The following CNTROB variants were observed in gnomAD, a reference collection of about 807,000 sequenced individuals.
CNTROB encodes centrobin, centriole duplication and spindle assembly protein.
CNTROB carries 82 observed loss-of-function variants against 115.7 expected under a neutral mutation model. The ratio of observed to expected loss-of-function variants is 0.71; its 90% CI spans 0.59 to 0.85. The LOEUF is 0.85. Ranked by LOEUF, CNTROB falls within the 40% of genes least tolerant of loss-of-function variation. The pLI is 0.00. For missense variants in CNTROB, 1,014 were observed against 1,144.4 expected, an observed-to-expected ratio of 0.89 and a Z score of 1.64; for synonymous variants, 439 against 456.4, an observed-to-expected ratio of 0.96 and a Z score of 0.49.
chr17:7,947,959 AC>A lies in CNTROB; in HGVS notation c.2191del (p.Leu731CysfsTer9). The A allele has an allele frequency of 6.2e-7, 1 of 1,613,914 alleles. No individual in the cohort carries two copies. The highest frequency in any genetic ancestry group is 8.5e-7 in the Non-Finnish European group (1 of 1,179,920). On this transcript the variant is annotated frameshift_variant, in exon 15 of 19. Coordinates refer to ENST00000563694, the MANE Select transcript of CNTROB (RefSeq NM_053051.5). LOFTEE classifies it high-confidence loss of function. Reference protein sequence around the residue: ...VPQNNENPSVDLLPPKSGPLT... With the variant: ...VPQNNENPSVXLLPPKSGPLT... ...CAGAACAATGAGAACCCTTCTGTCG[AC>A]CTGTTGCCCCCTAAGTCTGGTGAGT...
At chr17:7,940,488 A>G (rs971322612) in intron 9 of CNTROB, among the ~76,000 whole-genome samples, 1 of 152,258 alleles carries the variant, frequency 6.6e-6, no homozygotes, top group African/African-American at 2.4e-5. Flanking sequence ...ATTTAAATCT[A>G]TTAAAGATAC....
At chr17:7,942,787 ATTTTTTTTTTTTTT>A (rs71159534) in intron 9 of CNTROB, among the ~76,000 whole-genome samples, 27 of 35,792 alleles carry the variant, frequency 7.5e-4, no homozygotes, top group South Asian at 1.1e-3. Flanking sequence ...TACTCAGGGT[ATTTTTTTTTTTTTT>A]TTTTTTTTTT....
rs763936057 is a variant in CNTROB at position 7,940,261 on chromosome 17, C to G, written c.1311+19C>G. 21 of 1,581,330 alleles carry G rather than the reference C, an allele frequency of 1.3e-5. No homozygotes were observed. Among genetic ancestry groups the G allele is most frequent in the Non-Finnish European group, 1.6e-5 (19 of 1,166,096 alleles). On this transcript the variant is annotated intron_variant, in intron 9 of 18. Transcript: ENST00000563694. ...GGTGCAGGTCAGAAGGCAGAGGTTT[C>G]TTGAGGTTTTGTTCTGACAGAAGTA...
chr17:7,939,657 G>A lies in CNTROB; in HGVS notation c.1072G>A (p.Glu358Lys). ...GACTCTTCGGGCTGCCCTAGAAGAA[G>A]AACGGCAGACCTGGGCCCAGCAAGA... ...LETLRAALEE[E>K]RQTWAQQEHQ... The change falls in exon 8 of 19, where the codon GAA (glutamate) becomes AAA (lysine). Residue 358 changes from glutamate (E) to lysine (K), a missense_variant. By Grantham distance (56) the Glu-to-Lys change is moderately conservative (BLOSUM62 1). Transcript: ENST00000563694. The surrounding 1 kb of genome is among the most constrained non-coding windows in gnomAD (Gnocchi z 4.4). The A allele has an allele frequency of 6.2e-7, 1 of 1,614,124 alleles. No individual in the cohort carries two copies. Among genetic ancestry groups the A allele is most frequent in the East Asian group, 2.2e-5 (1 of 44,868 alleles).
chr17:7,949,347 G>A (rs764763019), intron 18 of CNTROB, 38 bp from the exon 19 acceptor site: 4 of 1,611,384 alleles, frequency 2.5e-6, no homozygotes, highest in Non-Finnish European at 3.4e-6. Flanking sequence ...GAGAGGATCT[G>A]ACGCTGATTT....
In CNTROB at chr17:7,944,746, T is replaced by A; in HGVS notation, c.1734+108T>A. The stretch of plus-strand genomic sequence containing the variant: ...AGGCTGGAGTGTACTGGTGAGATCA[T>A]AGCTCATTGCAGCCTCGAACTCCTG... On this transcript the variant is annotated intron_variant, in intron 12 of 18. Transcript: ENST00000563694. This position sits in a 1 kb window ranked among gnomAD's most constrained non-coding sequence, Gnocchi z 4.0. 7.6e-7 allele frequency: 1 copy of A among 1,317,252 alleles called. No individual in the cohort carries two copies. Among genetic ancestry groups the A allele is most frequent in the Non-Finnish European group, 1.0e-6 (1 of 975,462 alleles). 81.6% of individuals were successfully genotyped at this position (1,317,252 alleles called of 1,614,324 possible).
Position 7,939,547 on chromosome 17 carries a change from A to T in CNTROB, c.962A>T (p.Glu321Val). ...EERQALTLRL[E>V]AEQQRCCVLQ... ...AGGCAAGCTCTGACTCTGAGGTTGG[A>T]GGCAGAACAGCAGCGGTGCTGTGTC... is the stretch of plus-strand genomic sequence containing the variant. Residue 321 changes from glutamate (E) to valine (V), a missense_variant, in exon 8 of 19, where the codon GAG becomes GTG. Glu to Val is a moderately radical substitution (Grantham distance 121). Coordinates refer to ENST00000563694, the MANE Select transcript of CNTROB (RefSeq NM_053051.5). The surrounding 1 kb of genome is among the most constrained non-coding windows in gnomAD (Gnocchi z 4.4). 1 of 1,614,138 alleles carries T rather than the reference A, an allele frequency of 6.2e-7. No homozygotes were observed. The highest frequency in any genetic ancestry group is 1.3e-5 in the African/African-American group (1 of 75,022).
At position 7,932,491 on chromosome 17, in the gene CNTROB, A is replaced by G. The variant is rs1972626807; in HGVS notation, c.-589A>G. ...ATTCTAGGGAACAAGGAAGCTCGCT[A>G]TGGCTTTCTTGCCAGGAGGGGTCGA... On this transcript the variant is annotated 5_prime_UTR_variant, in exon 1 of 19. An upstream start codon of the reference 5' UTR is lost. Coordinates refer to ENST00000563694, the MANE Select transcript of CNTROB (RefSeq NM_053051.5). 1 of 155,706 alleles carries G rather than the reference A, an allele frequency of 6.4e-6. No individual in the cohort carries two copies. The highest frequency in any genetic ancestry group is 2.4e-5 in the African/African-American group (1 of 40,932). 9.6% of individuals were successfully genotyped at this position (155,706 alleles called of 1,614,324 possible).
At chr17:7,934,095 G>T in intron 1 of CNTROB, 43 bp from the exon 2 acceptor site, 2 of 1,540,848 alleles carry the variant, frequency 1.3e-6, no homozygotes, top group Non-Finnish European at 1.8e-6. Context: ...GTAGGAGATA[G>T]ATAACACAGA....
In CNTROB at chr17:7,932,378, A is replaced by G; in HGVS notation, c.-702A>G. The G allele has an allele frequency of 6.1e-6, 1 of 162,888 alleles. No homozygotes were observed. The highest frequency in any genetic ancestry group is 1.3e-5 in the Non-Finnish European group (1 of 74,198). The allele number at this position is 162,888 out of a possible 1,614,324, so 10.1% of individuals were successfully genotyped here. On this transcript the variant is annotated 5_prime_UTR_variant, in exon 1 of 19. Transcript: ENST00000563694. ...TCGTCGGGGCAGAGGATCTCGGGCT[A>G]GGCTTGAGGGCGGCGTGCTTCTTAG...
Position 7,934,510 on chromosome 17 carries a change from A to G in CNTROB, c.401A>G (p.Asp134Gly), listed in dbSNP as rs1972910928. The G allele has an allele frequency of 5.0e-6, 8 of 1,613,398 alleles. No individual in the cohort carries two copies. Among genetic ancestry groups the G allele is most frequent in the Non-Finnish European group, 6.8e-6 (8 of 1,179,888 alleles). The stretch of plus-strand genomic sequence containing the variant: ...GCTGGCTCAGAGAGACGGGAAGAGG[A>G]CTCCTTTGACAGTGATAGCACAGCC... ...PGAGSERREE[D>G]SFDSDSTATL... The change falls in exon 3 of 19, where the codon GAC becomes GGC. Residue 134 changes from aspartate (D) to glycine (G), a missense_variant. Asp to Gly is a moderately conservative substitution (Grantham distance 94). Transcript: ENST00000563694.
rs1000040924 is a variant in CNTROB at position 7,933,149 on chromosome 17, C to T, written c.70C>T (p.Pro24Ser). 38 of 1,614,074 alleles carry T rather than the reference C, an allele frequency of 2.4e-5. No individual in the cohort carries two copies. The highest frequency in any genetic ancestry group is 4.0e-5 in the African/African-American group (3 of 74,938). The change falls in exon 1 of 19, where the codon CCC becomes TCC. Residue 24 changes from proline (P) to serine (S), a missense_variant. Physicochemically the swap from Pro to Ser is moderately conservative, Grantham distance 74. Coordinates refer to ENST00000563694, the MANE Select transcript of CNTROB (RefSeq NM_053051.5). ...GGATCTCCTGAGTGATTCATCAGAA[C>T]CCCCTGGGCTCAACCAAGTGTCGTC... ...AEDLLSDSSE[P>S]PGLNQVSSEV...
At position 7,934,482 on chromosome 17, in the gene CNTROB, G is replaced by A. The variant is rs750650763; in HGVS notation, c.373G>A (p.Gly125Ser). 3 of 1,614,148 alleles carry A rather than the reference G, an allele frequency of 1.9e-6. No individual in the cohort carries two copies. Among genetic ancestry groups the A allele is most frequent in the Non-Finnish European group, 8.5e-7 (1 of 1,180,026 alleles). The change falls in exon 3 of 19, where the codon GGC becomes AGC. Residue 125 changes from glycine to serine, a missense_variant. Gly to Ser is a moderately conservative substitution (Grantham distance 56). Coordinates refer to ENST00000563694, the MANE Select transcript of CNTROB (RefSeq NM_053051.5). ...GCCTGCAGGGGATCCTCTCATTCCT[G>A]GCGCTGGCTCAGAGAGACGGGAAGA... ...DTAYRDPLIP[G>S]AGSERREEDS... is the part of the protein sequence containing the mutation.
chr17:7,946,650 TTGGTGCC>T (rs1201755253), intron 13 of CNTROB, among the ~76,000 whole-genome samples: 1 of 151,936 alleles, frequency 6.6e-6, no homozygotes, highest in Non-Finnish European at 1.5e-5. Flanking sequence ...GGAGGATGGC[TTGGTGCC>T]AGGAGTTCCA....
Position 7,947,794 on chromosome 17 carries a change from T to A in CNTROB, c.2145+72T>A, listed in dbSNP as rs1974732317. ...TCCTTTCCTCTTTCTGCTCTGGGAA[T>A]CCAGGACTCTGGCCTCATTCCCTGT... On this transcript the variant is annotated intron_variant, in intron 14 of 18. Transcript: ENST00000563694. 3.7e-6 allele frequency: 6 copies of A among 1,604,258 alleles called. No individual in the cohort carries two copies. In the South Asian group the frequency reaches 5.6e-5, roughly 15 times the overall value.
In CNTROB at chr17:7,945,633, C is replaced by T. The variant is rs557191238; in HGVS notation, c.1735-95C>T. 2.0e-4 allele frequency: 271 copies of T among 1,367,680 alleles called. 1 individual carries two copies. Among genetic ancestry groups the T allele is most frequent in the Middle Eastern group, 9.1e-4 (4 of 4,408 alleles). The allele number at this position is 1,367,680 out of a possible 1,614,324, so 84.7% of individuals were successfully genotyped here. ...GATTACAGGTGTGAGCCACTGCATC[C>T]GGAAATTTATAATCTTATTAAAGTG... is the stretch of plus-strand genomic sequence containing the variant. On this transcript the variant is annotated intron_variant, in intron 12 of 18. Transcript: ENST00000563694.
In CNTROB at chr17:7,948,246, G is replaced by A; in HGVS notation, c.2299G>A (p.Ala767Thr). The A allele has an allele frequency of 6.2e-7, 1 of 1,614,106 alleles. No individual in the cohort carries two copies. Among genetic ancestry groups the A allele is most frequent in the Non-Finnish European group, 8.5e-7 (1 of 1,180,034 alleles). The change falls in exon 16 of 19, where the codon GCA (alanine) becomes ACA (threonine). Residue 767 changes from alanine (A) to threonine (T), a missense_variant. Ala to Thr is a moderately conservative substitution (Grantham distance 58). Transcript: ENST00000563694. The surrounding 1 kb of genome is among the most constrained non-coding windows in gnomAD (Gnocchi z 4.4). ...CAAAACCAAAGTTCCCTTAGCCATG[G>A]CATCCAGTCTTTTCCGGGTCCCTGA... is the stretch of plus-strand genomic sequence containing the variant. ...VHKTKVPLAMASSLFRVPEPP... is the reference protein window; with the variant it reads ...VHKTKVPLAMTSSLFRVPEPP...
Position 7,936,752 on chromosome 17 carries a change from G to C in CNTROB, c.763G>C (p.Glu255Gln). The C allele has an allele frequency of 6.3e-7, 1 of 1,575,918 alleles. No homozygotes were observed. Among genetic ancestry groups the C allele is most frequent in the South Asian group, 1.1e-5 (1 of 90,350 alleles). Reference sequence around the variant, plus strand: ...GAACCGGCATGAGGCTGAGCGGACAGAGGTTCTCAGGGGACTTCAAGAGGA... The same window carrying C: ...GAACCGGCATGAGGCTGAGCGGACACAGGTTCTCAGGGGACTTCAAGAGGA... Reference protein sequence around the residue: ...GWNRHEAERTEVLRGLQEEHQ... With the variant: ...GWNRHEAERTQVLRGLQEEHQ... The change falls in exon 6 of 19, where the codon GAG (glutamate) becomes CAG (glutamine). Residue 255 changes from glutamate (E) to glutamine (Q), a missense_variant. By Grantham distance (29) the Glu-to-Gln change is conservative (BLOSUM62 2). Coordinates refer to ENST00000563694, the MANE Select transcript of CNTROB (RefSeq NM_053051.5).
chr17:7,932,893 C>G lies in CNTROB; in HGVS notation c.-187C>G. The G allele has an allele frequency of 1.6e-6, 1 of 628,600 alleles. No individual in the cohort carries two copies. Among genetic ancestry groups the G allele is most frequent in the Non-Finnish European group, 2.7e-6 (1 of 364,756 alleles). 38.9% of individuals were successfully genotyped at this position (628,600 alleles called of 1,614,324 possible). On this transcript the variant is annotated 5_prime_UTR_variant, in exon 1 of 19. Transcript: ENST00000563694. ...GGGATGCTTTTGCCCACTCCCATGG[C>G]CCCTGGAACTGGTGGAAACCTTTCC...
Sources: allele counts gnomAD v4.1 joint callset (sites outside exome capture counted in the v4.1 genomes callset), GRCh38; gene constraint gnomAD v4.1.1; non-coding constraint Gnocchi (gnomAD v3.1); transcripts MANE v1.5; gene names NCBI Gene and HGNC (gene_info 2026-07-23, HGNC 2026-07-21).